Variants in ABCD3 observed in about 807,000 individuals in gnomAD.
ABCD3 encodes the protein ATP-binding cassette sub-family D member 3.
A neutral mutation model predicts 105.5 loss-of-function variants in ABCD3; 41 were observed. The ratio of observed to expected loss-of-function variants is 0.39; its 90% CI spans 0.30 to 0.50. The LOEUF (loss-of-function observed/expected upper bound fraction) is 0.50, where lower values mean the gene tolerates loss of function less well. Ranked by LOEUF, ABCD3 falls within the 20% of genes least tolerant of loss-of-function variation. The probability of loss-of-function intolerance (pLI) is 0.84; values close to 1 mark genes in which losing one functional copy is unlikely to be tolerated. For missense variants in ABCD3, 622 were observed against 806.3 expected (o/e 0.77, Z 2.77); for synonymous variants, 258 against 269.0 (o/e 0.96, Z 0.40).
At position 94,418,515 on chromosome 1, in the gene ABCD3, T is replaced by C; in HGVS notation, c.37T>C (p.Ser13Pro). ...AFSKYLTARNSSLAGAAFLLL... is the reference protein window; with the variant it reads ...AFSKYLTARNPSLAGAAFLLL... The stretch of plus-strand genomic sequence containing the variant: ...CAGCAAGTACTTGACGGCGCGAAAC[T>C]CCTCGCTGGCTGGTGCCGCGTTCCT... The change falls in exon 1 of 23, where the codon TCC (serine) becomes CCC (proline). Residue 13 changes from serine (S) to proline (P), a missense_variant. This residue lies in a region of ABCD3 where 89 missense variants were observed against 77.5 expected (regional missense o/e 1.15). Coordinates refer to ENST00000370214, the MANE Select transcript of ABCD3 (RefSeq NM_002858.4). 1 of 1,605,714 alleles carries C rather than the reference T, an allele frequency of 6.2e-7. No individual in the cohort carries two copies. The highest frequency in any genetic ancestry group is 1.7e-5 in the Admixed American group (1 of 59,890).
chr1:94,446,140 A>G (rs1660337966), intron 1 of ABCD3, among the ~76,000 whole-genome samples: 2 of 152,244 alleles, frequency 1.3e-5, no homozygotes, highest in African/African-American at 2.4e-5. Context: ...AAAGGAAAAC[A>G]TTGGGCTAAT....
chr1:94,502,511 T>A (rs1650147729), intron 20 of ABCD3, among the ~76,000 whole-genome samples: 1 of 151,698 alleles, frequency 6.6e-6, no homozygotes, highest in East Asian at 1.9e-4. Flanking sequence ...TTTTTTTTTT[T>A]TTTGAGACAG....
chr1:94,479,701 A>G (rs1384989354), intron 8 of ABCD3, among the ~76,000 whole-genome samples: 2 of 152,194 alleles, frequency 1.3e-5, no homozygotes, highest in African/African-American at 4.8e-5. Context: ...CTTGCCAAAC[A>G]TAAGAACAAC....
chr1:94,492,648 G>T (rs1649588895), intron 16 of ABCD3, among the ~76,000 whole-genome samples: 1 of 152,132 alleles, frequency 6.6e-6, no homozygotes, highest in Admixed American at 6.6e-5. Flanking sequence ...ATTTCCAGTA[G>T]CCCCTTTATT....
At chr1:94,415,655 A>G (rs904689562), upstream of ABCD3, among the ~76,000 whole-genome samples, 2 of 41,388 alleles carry the variant, frequency 4.8e-5, no homozygotes, top group African/African-American at 1.2e-4. Context: ...AAGTTCAGAT[A>G]AGGGATTTTC....
At chr1:94,433,838 G>T (rs1031747414) in intron 1 of ABCD3, among the ~76,000 whole-genome samples, 3 of 151,444 alleles carry the variant, frequency 2.0e-5, no homozygotes, top group African/African-American at 7.3e-5. Flanking sequence ...CAGTTAAAAC[G>T]GGGTTTTGCC....
chr1:94,437,430 T>C (rs943168890), intron 1 of ABCD3, among the ~76,000 whole-genome samples: 5 of 152,178 alleles, frequency 3.3e-5, no homozygotes, highest in Admixed American at 3.3e-4. Flanking sequence ...TACATGTAAA[T>C]GGAACAATAA....
In ABCD3 at chr1:94,500,345, G is replaced by A. The variant is rs375003224; in HGVS notation, c.1740+731G>A. Among the ~76,000 whole-genome samples the A allele has an allele frequency of 1.3e-4, 20 of 152,106 alleles. No individual in the cohort carries two copies. In the East Asian group the frequency reaches 1.4e-3, roughly 10 times the overall value. On this transcript the variant is annotated intron_variant, in intron 20 of 22. Coordinates refer to ENST00000370214, the MANE Select transcript of ABCD3 (RefSeq NM_002858.4). Reference sequence around the variant, plus strand: ...CCTATAGTCCTAGCTACTGGGAGGCGGAAAGATTGCTTGAGCCCAGGAGTT... The same window carrying A: ...CCTATAGTCCTAGCTACTGGGAGGCAGAAAGATTGCTTGAGCCCAGGAGTT...
intron 15 of ABCD3, 76 bp downstream of exon 15, chr1:94,490,051 A>G: frequency 2.2e-6 from 3 of 1,338,094 alleles, no homozygotes; most frequent in Non-Finnish European, 3.2e-6. Context: ...TTCAGCTTAC[A>G]ATTGCTTAGT....
chr1:94,438,260 C>T (rs1213381459), intron 1 of ABCD3, among the ~76,000 whole-genome samples: 4 of 147,964 alleles, frequency 2.7e-5, no homozygotes, highest in African/African-American at 9.9e-5. Flanking sequence ...GCACTCCAGC[C>T]TGGCAACAGA....
At chr1:94,428,670 G>A (rs1014695631) in intron 1 of ABCD3, among the ~76,000 whole-genome samples, 5 of 151,978 alleles carry the variant, frequency 3.3e-5, no homozygotes, top group Admixed American at 6.6e-5. Context: ...TTTGCCTGCC[G>A]CCATCCACAT....
chr1:94,511,116 G>A (rs1315108251), intron 21 of ABCD3, among the ~76,000 whole-genome samples: 1 of 151,924 alleles, frequency 6.6e-6, no homozygotes, highest in Non-Finnish European at 1.5e-5. Context: ...GCATGATTTT[G>A]CAGCGGCTGG....
Position 94,489,809 on chromosome 1 carries a change from G to C in ABCD3, c.1242G>C (p.Gln414His), listed in dbSNP as rs1313405193. Residue 414 changes from glutamine (Q) to histidine (H), a missense_variant, in exon 14 of 23, where the codon CAG becomes CAC. Coordinates refer to ENST00000370214, the MANE Select transcript of ABCD3 (RefSeq NM_002858.4). ...GKYERTMVSQ[Q>H]EKGIEGVQVI... ...ATGAGCGCACAATGGTCTCACAACA[G>C]GAAAAGGGTAAATATGAGTGTCACA... 6.2e-7 allele frequency: 1 copy of C among 1,612,900 alleles called. No homozygotes were observed. The highest frequency in any genetic ancestry group is 8.5e-7 in the Non-Finnish European group (1 of 1,179,290).
chr1:94,482,196 A>G (rs539777517), intron 9 of ABCD3: 2 of 152,334 alleles, frequency 1.3e-5, no homozygotes, highest in East Asian at 3.9e-4. Context: ...CATTGTGTCA[A>G]GGAAACCATG....
At chr1:94,508,666 C>G (rs1362783424) in intron 21 of ABCD3, among the ~76,000 whole-genome samples, 16 of 147,876 alleles carry the variant, frequency 1.1e-4, no homozygotes, top group African/African-American at 3.2e-4. Flanking sequence ...CTTTTATTTC[C>G]TTGAGCAGTG....
the ABCD3 span, among the ~76,000 whole-genome samples, chr1:94,404,909 A>G: frequency 6.6e-6 from 1 of 150,834 alleles, no homozygotes. Flanking sequence ...GCTGCACTGC[A>G]GCCTGGGTGA....
rs781552671 is a variant in ABCD3 at position 94,499,585 on chromosome 1, C to T, written c.1711C>T (p.Leu571Phe). 4 of 1,613,700 alleles carry T rather than the reference C, an allele frequency of 2.5e-6. No individual in the cohort carries two copies. Among genetic ancestry groups the T allele is most frequent in the East Asian group, 2.2e-5 (1 of 44,806 alleles). Reference sequence around the variant, plus strand: ...CAGTGTTCAGGATTGGATGGACGTACTCAGTGGTGGAGAAAAGCAAAGAAT... The same window carrying T: ...CAGTGTTCAGGATTGGATGGACGTATTCAGTGGTGGAGAAAAGCAAAGAAT... ...WDSVQDWMDVLSGGEKQRMAM... is the reference protein window; with the variant it reads ...WDSVQDWMDVFSGGEKQRMAM... The change falls in exon 20 of 23, where the codon CTC (leucine) becomes TTC (phenylalanine). Residue 571 changes from leucine (L) to phenylalanine (F), a missense_variant. Physicochemically the swap from Leu to Phe is conservative, Grantham distance 22. Transcript: ENST00000370214.
At chr1:94,486,949 T>G (rs753317361) in intron 10 of ABCD3, among the ~76,000 whole-genome samples, 1 of 152,196 alleles carries the variant, frequency 6.6e-6, no homozygotes, top group Non-Finnish European at 1.5e-5. Context: ...AGATGGACAG[T>G]TTGAGAACAC....
the ABCD3 span, among the ~76,000 whole-genome samples, chr1:94,390,990 A>T: frequency 6.6e-6 from 1 of 152,122 alleles, no homozygotes; most frequent in Non-Finnish European, 1.5e-5. Context: ...CATATACAAC[A>T]TTTCTTGAAA....
Sources: allele counts gnomAD v4.1 joint callset (sites outside exome capture counted in the v4.1 genomes callset), GRCh38; gene constraint gnomAD v4.1.1; regional missense constraint gnomAD v4.1.1; transcripts MANE v1.5; gene names NCBI Gene and HGNC (gene_info 2026-07-23, HGNC 2026-07-21).